The following GSTO1 variants were observed in gnomAD, a reference collection of about 807,000 sequenced individuals.
The protein encoded by GSTO1 is glutathione S-transferase omega 1, also known as glutathione S-transferase omega-1.
Under a neutral mutation model 23.8 loss-of-function variants are expected in GSTO1, and 27 were observed. The ratio of observed to expected loss-of-function variants is 1.13; its 90% CI spans 0.83 to 1.56. The LOEUF (loss-of-function observed/expected upper bound fraction) is 1.56. GSTO1 is among the 40% of genes most tolerant of loss of function. GSTO1 has a pLI of 0.00. For synonymous variants in GSTO1, 105 were observed against 109.3 expected (o/e 0.96, Z 0.25); for missense variants, 255 against 285.8 (o/e 0.89, Z 0.78).
rs769393338 is a variant in GSTO1 at position 104,259,590 on chromosome 10, A to T, written c.158A>T (p.Asn53Ile). 1.2e-6 allele frequency: 2 copies of T among 1,607,374 alleles called. No individual in the cohort carries two copies. The highest frequency in any genetic ancestry group is 1.3e-5 in the African/African-American group (1 of 74,798). The change falls in exon 3 of 6, where the codon AAT becomes ATT. Residue 53 changes from asparagine (N) to isoleucine (I), a missense_variant. By Grantham distance (149) the Asn-to-Ile change is moderately radical (BLOSUM62 -3). Transcript: ENST00000369713. Reference protein sequence around the residue: ...KAKGIRHEVININLKNKPEWF... With the variant: ...KAKGIRHEVIIINLKNKPEWF... ...GTGTCTTTCAGGCATGAAGTCATCAATATCAACCTGAAAAATAAGCCTGAG... is the reference window on the plus strand; with the variant it reads ...GTGTCTTTCAGGCATGAAGTCATCATTATCAACCTGAAAAATAAGCCTGAG...
At chr10:104,266,019 A>T (rs2011177821) in intron 4 of GSTO1, 65 bp from the exon 5 acceptor site, 3 of 842,710 alleles carry the variant, frequency 3.6e-6, no homozygotes, top group East Asian at 2.5e-5. Flanking sequence ...ATTTCCCTTC[A>T]GCATTTCTAG....
At chr10:104,261,805 G>A (rs193244287) in intron 3 of GSTO1, among the ~76,000 whole-genome samples, 49 of 152,242 alleles carry the variant, frequency 3.2e-4, no homozygotes, top group African/African-American at 1.2e-3. Context: ...CTTAAACTAG[G>A]ATGAGTGGAC....
In GSTO1 at chr10:104,266,144, C is replaced by G. The variant is rs780689474; in HGVS notation, c.526C>G (p.Leu176Val). Residue 176 changes from leucine (L) to valine (V), a missense_variant, in exon 5 of 6, where the codon CTC becomes GTC. Coordinates refer to ENST00000369713, the MANE Select transcript of GSTO1 (RefSeq NM_004832.3). ...CAATTCTATCTCTATGATTGATTAC[C>G]TCATCTGGCCCTGGTTTGAACGGCT... ...GGNSISMIDY[L>V]IWPWFERLEA... The G allele has an allele frequency of 4.3e-6, 7 of 1,611,240 alleles. No individual in the cohort carries two copies. Among genetic ancestry groups the G allele is most frequent in the Non-Finnish European group, 5.9e-6 (7 of 1,177,438 alleles).
intron 3 of GSTO1, 22 bp from the exon 4 acceptor site, chr10:104,262,957 T>C (rs770791122): frequency 1.9e-6 from 2 of 1,066,620 alleles, no homozygotes; most frequent in East Asian, 2.4e-5. Flanking sequence ...ACTGATAAAC[T>C]AAGAAATTAT....
chr10:104,256,860 A>G (rs755934109), intron 2 of GSTO1, among the ~76,000 whole-genome samples: 1 of 151,608 alleles, frequency 6.6e-6, no homozygotes, highest in Non-Finnish European at 1.5e-5. Flanking sequence ...AAAAATGTTG[A>G]TAATTCTTTG....
chr10:104,265,069 A>T (rs1268334408), intron 4 of GSTO1, among the ~76,000 whole-genome samples: 1 of 152,234 alleles, frequency 6.6e-6, no homozygotes, highest in Non-Finnish European at 1.5e-5. Context: ...AGTTGAAAAG[A>T]ATTTAAATTG....
intron 3 of GSTO1, 47 bp downstream of exon 3, chr10:104,259,845 T>A: frequency 1.6e-6 from 2 of 1,259,964 alleles, no homozygotes; most frequent in Non-Finnish European, 2.3e-6. Flanking sequence ...ACCTGTTTTT[T>A]AAAGCGAAAT....
intron 4 of GSTO1, among the ~76,000 whole-genome samples, chr10:104,264,011 G>A (rs1182003879): frequency 6.6e-6 from 1 of 151,844 alleles, no homozygotes; most frequent in Non-Finnish European, 1.5e-5. Context: ...ATTAGCTAAT[G>A]AATGATTTTT....
intron 1 of GSTO1, 48 bp downstream of exon 1, chr10:104,255,010 C>T: frequency 6.6e-7 from 1 of 1,508,108 alleles, no homozygotes; most frequent in Admixed American, 2.0e-5. Flanking sequence ...CGACCCCCGG[C>T]GGCATGTTCG....
intron 4 of GSTO1, among the ~76,000 whole-genome samples, chr10:104,264,175 G>A (rs1191893424): frequency 6.6e-6 from 1 of 152,028 alleles, no homozygotes; most frequent in Non-Finnish European, 1.5e-5. Context: ...AGGGACTAGC[G>A]GTTTCTTTAA....
At chr10:104,265,272 A>T (rs34521730) in intron 4 of GSTO1, among the ~76,000 whole-genome samples, 4,438 of 152,330 alleles carry the variant, frequency 0.029, 96 homozygotes, top group South Asian at 0.11. Context: ...ATGGACTCAT[A>T]TAATGTTCAT....
At chr10:104,255,374 C>T (rs2091598282) in intron 2 of GSTO1, 103 bp downstream of exon 2, 3 of 711,108 alleles carry the variant, frequency 4.2e-6, no homozygotes, top group Non-Finnish European at 7.5e-6. Context: ...CTCCCACCAG[C>T]GTCCTTTACT....
At chr10:104,266,264 C>A in intron 5 of GSTO1, 74 bp downstream of exon 5, 7 of 809,410 alleles carry the variant, frequency 8.6e-6, no homozygotes, top group Non-Finnish European at 1.5e-5. Flanking sequence ...TTCTTTATAA[C>A]AGAAGTTGAA....
At chr10:104,264,366 T>C (rs1202743183) in intron 4 of GSTO1, among the ~76,000 whole-genome samples, 1 of 152,190 alleles carries the variant, frequency 6.6e-6, no homozygotes, top group Admixed American at 6.5e-5. Context: ...TTCAGATAAT[T>C]AGTTTAGTAG....
At chr10:104,255,100 G>C in intron 1 of GSTO1, 63 bp from the exon 2 acceptor site, 1 of 1,443,492 alleles carries the variant, frequency 6.9e-7, no homozygotes, top group East Asian at 2.3e-5. Context: ...ACGCGGGGGC[G>C]GTGGGATACG....
At chr10:104,258,162 C>T (rs542772942) in intron 2 of GSTO1, among the ~76,000 whole-genome samples, 2 of 152,208 alleles carry the variant, frequency 1.3e-5, no homozygotes, top group Non-Finnish European at 2.9e-5. Flanking sequence ...CAGGGAGGGC[C>T]TGGGGATGTG....
chr10:104,254,819 CT>C, upstream of GSTO1: 2 of 1,127,576 alleles, frequency 1.8e-6, no homozygotes, highest in Non-Finnish European at 1.3e-6. Context: ...GGGGCAGGCA[CT>C]TTTGAGCTAA....
At chr10:104,264,197 C>T (rs1044306401) in intron 4 of GSTO1, among the ~76,000 whole-genome samples, 2 of 151,988 alleles carry the variant, frequency 1.3e-5, no homozygotes, top group African/African-American at 4.8e-5. Flanking sequence ...ACATTTGAGC[C>T]TGGTGTCTTT....
At chr10:104,256,455 C>G (rs1437562662) in intron 2 of GSTO1, among the ~76,000 whole-genome samples, 2 of 152,134 alleles carry the variant, frequency 1.3e-5, no homozygotes, top group Admixed American at 6.5e-5. Context: ...TGAAAACAAC[C>G]CTACCTTATT....
Sources: allele counts gnomAD v4.1 joint callset (sites outside exome capture counted in the v4.1 genomes callset), GRCh38; gene constraint gnomAD v4.1.1; transcripts MANE v1.5; gene names NCBI Gene and HGNC (gene_info 2026-07-23, HGNC 2026-07-21).